The following ZCCHC14 variants were observed in gnomAD, a reference collection of about 807,000 sequenced individuals.
ZCCHC14 encodes zinc finger CCHC domain-containing protein 14.
In ZCCHC14, 16 loss-of-function variants were observed where a neutral mutation model predicts 85.0. That is an observed-to-expected ratio of 0.19 (90% CI 0.13 to 0.29). The LOEUF (loss-of-function observed/expected upper bound fraction) is 0.29. Among genes scored for constraint, ZCCHC14 ranks in the 10% least tolerant of loss-of-function variants. The pLI is 1.00. For missense variants in ZCCHC14, 1,303 were observed against 1,443.5 expected, an observed-to-expected ratio of 0.90 and a Z score of 1.58; for synonymous variants, 775 against 630.7, an observed-to-expected ratio of 1.23 and a Z score of -3.43.
chr16:87,449,810 C>T lies in ZCCHC14; in HGVS notation c.694+10198G>A, dbSNP rs1268139411. On this transcript the variant is annotated intron_variant, in intron 2 of 12. Coordinates refer to ENST00000671377, the MANE Select transcript of ZCCHC14 (RefSeq NM_015144.3). ...TTGTGATCCCAGCACTTTGGGAGGC[C>T]GAGGTGGGTGGATGGCTTGAGCCCA... 6.6e-5 allele frequency among the ~76,000 whole-genome samples: 10 copies of T among 152,178 alleles called. No homozygotes were observed. In the East Asian group the frequency reaches 1.3e-3, roughly 21 times the overall value.
chr16:87,458,703 C>T (rs1020271136), intron 2 of ZCCHC14, among the ~76,000 whole-genome samples: 1 of 152,142 alleles, frequency 6.6e-6, no homozygotes, highest in Non-Finnish European at 1.5e-5. Context: ...GGGACGGGGA[C>T]GGTGCGGGGC....
At chr16:87,443,942 C>T (rs1910306721) in intron 2 of ZCCHC14, among the ~76,000 whole-genome samples, 1 of 147,920 alleles carries the variant, frequency 6.8e-6, no homozygotes, top group South Asian at 2.1e-4. Context: ...GAGGCTGAGG[C>T]ATGAGAATCA....
rs115855438 is a variant in ZCCHC14, at chr16:87,453,576, C to T, written c.694+6432G>A. Among the ~76,000 whole-genome samples the T allele has an allele frequency of 3.3e-3, 504 of 152,332 alleles. 5 individuals carry two copies. The highest frequency in any genetic ancestry group is 0.012 in the African/African-American group (487 of 41,570). Reference sequence around the variant, plus strand: ...GCCACACACCTGGCTGCCCCAGCCACGGTGGAGGGCCGACTTCGCACAGCT... The same window carrying T: ...GCCACACACCTGGCTGCCCCAGCCATGGTGGAGGGCCGACTTCGCACAGCT... On this transcript the variant is annotated intron_variant, in intron 2 of 12. Transcript: ENST00000671377.
chr16:87,455,324 A>G (rs1426699529), intron 2 of ZCCHC14, among the ~76,000 whole-genome samples: 2 of 151,962 alleles, frequency 1.3e-5, no homozygotes, highest in African/African-American at 4.8e-5. Flanking sequence ...TGGAAAGTGA[A>G]CGACTGGCTC....
intron 2 of ZCCHC14, among the ~76,000 whole-genome samples, chr16:87,459,414 G>A (rs886425974): frequency 6.6e-6 from 1 of 151,160 alleles, no homozygotes; most frequent in Non-Finnish European, 1.5e-5. Context: ...GCACGATCTC[G>A]GCTCACTGCA....
At chr16:87,439,805 A>G (rs1408404501) in intron 2 of ZCCHC14, among the ~76,000 whole-genome samples, 2 of 152,232 alleles carry the variant, frequency 1.3e-5, no homozygotes, top group Non-Finnish European at 2.9e-5. Flanking sequence ...TCAATTCTGT[A>G]TCTTATATAT....
intron 1 of ZCCHC14, chr16:87,467,591 G>A: frequency 7.2e-7 from 1 of 1,390,890 alleles, no homozygotes; most frequent in Non-Finnish European, 1.0e-6. Flanking sequence ...ATTGGAATAG[G>A]TGTCAAGGAT....
intron 3 of ZCCHC14, among the ~76,000 whole-genome samples, chr16:87,432,205 G>C (rs1027314950): frequency 6.6e-6 from 1 of 152,130 alleles, no homozygotes; most frequent in African/African-American, 2.4e-5. Flanking sequence ...GTCAGCACTC[G>C]ATGCACATGT....
rs1308108819 is a variant in ZCCHC14 at position 87,411,706 on chromosome 16, G to C, written c.3015C>G (p.Ser1005=). Residue 1005 remains serine (S), a synonymous_variant, in exon 12 of 13, where the codon TCC becomes TCG. Coordinates refer to ENST00000671377, the MANE Select transcript of ZCCHC14 (RefSeq NM_015144.3). ...GTPDPVLSGQ[S]TFAVPPMQNF... is the part of the protein sequence containing the mutation. The stretch of plus-strand genomic sequence containing the variant: ...TCTGCATGGGTGGCACGGCAAACGT[G>C]GACTGCCCACTCAGGACAGGGTCTG... 6.2e-7 allele frequency: 1 copy of C among 1,613,986 alleles called. No individual in the cohort carries two copies. The highest frequency in any genetic ancestry group is 1.3e-5 in the African/African-American group (1 of 74,944).
At chr16:87,434,923 G>T (rs1010944713) in intron 2 of ZCCHC14, among the ~76,000 whole-genome samples, 2 of 148,902 alleles carry the variant, frequency 1.3e-5, no homozygotes, top group Admixed American at 1.4e-4. Flanking sequence ...CCTGGGAGGC[G>T]GAGGTTGCAG....
intron 2 of ZCCHC14, among the ~76,000 whole-genome samples, chr16:87,451,343 C>T (rs1024796278): frequency 2.0e-5 from 3 of 151,916 alleles, no homozygotes; most frequent in East Asian, 1.9e-4. Flanking sequence ...ATTACAGGCA[C>T]GTGGCTACCA....
chr16:87,424,714 G>C (rs1909281260), intron 3 of ZCCHC14, among the ~76,000 whole-genome samples: 1 of 152,140 alleles, frequency 6.6e-6, no homozygotes, highest in Non-Finnish European at 1.5e-5. Flanking sequence ...TTGCACATTA[G>C]AGGGAGTTTC....
rs199903717 is a variant in ZCCHC14, at chr16:87,417,423, T to C, written c.1383+37A>G. ...CCAGGGAGGTCTTGAGTAAACAATC[T>C]AGCAATTCTGTACGGCCAGCCAGAA... On this transcript the variant is annotated intron_variant, in intron 8 of 12. Transcript: ENST00000671377. 1,486 of 1,602,326 alleles carry C rather than the reference T, an allele frequency of 9.3e-4. 9 individuals are homozygous for C. The African/African-American group carries it at 0.017, about 18-fold the overall frequency.
At chr16:87,433,334 A>T in intron 2 of ZCCHC14, 133 bp from the exon 3 acceptor site, 1 of 791,990 alleles carries the variant, frequency 1.3e-6, no homozygotes, top group Non-Finnish European at 2.0e-6. Context: ...CTTTGGTGGC[A>T]TCTCACCTAG....
chr16:87,449,520 C>T (rs1372763575), intron 2 of ZCCHC14, among the ~76,000 whole-genome samples: 1 of 152,072 alleles, frequency 6.6e-6, no homozygotes, highest in Non-Finnish European at 1.5e-5. Context: ...AGCAACGCCA[C>T]CAAGAGAGCA....
In ZCCHC14 at chr16:87,412,034, G is replaced by A. The variant is rs372561977; in HGVS notation, c.2687C>T (p.Ser896Leu). Residue 896 changes from serine to leucine, a missense_variant, in exon 12 of 13, where the codon TCG (serine) becomes TTG (leucine). Coordinates refer to ENST00000671377, the MANE Select transcript of ZCCHC14 (RefSeq NM_015144.3). ...GTGGTGGTGGTGGTGGTTCGGATTCGAGGCAGGAATGTTTCCTGTGGAGCC... is the reference window on the plus strand; with the variant it reads ...GTGGTGGTGGTGGTGGTTCGGATTCAAGGCAGGAATGTTTCCTGTGGAGCC... ...GGGSTGNIPA[S>L]NPNHHHHHHH... 1.4e-5 allele frequency: 23 copies of A among 1,609,226 alleles called. No individual in the cohort carries two copies. The highest frequency in any genetic ancestry group is 1.7e-4 in the Middle Eastern group (1 of 5,946).
At chr16:87,422,589 A>C (rs1257467104) in intron 4 of ZCCHC14, among the ~76,000 whole-genome samples, 2 of 151,008 alleles carry the variant, frequency 1.3e-5, no homozygotes, top group African/African-American at 2.4e-5. Context: ...AAAGAGAGAG[A>C]GCTGGGCGTG....
chr16:87,434,966 G>C (rs771493349), intron 2 of ZCCHC14, among the ~76,000 whole-genome samples: 35 of 137,084 alleles, frequency 2.6e-4, no homozygotes, highest in Non-Finnish European at 4.5e-4. Flanking sequence ...ACTCCAGCCT[G>C]GGCAACAAAG....
In ZCCHC14 at chr16:87,492,923, A is replaced by ACGGCGACGGCGG. The variant is rs563197115; in HGVS notation, c.-686_-685insCCGCCGTCGCCG. Among the ~76,000 whole-genome samples the ACGGCGACGGCGG allele has an allele frequency of 1.4e-5, 2 of 140,354 alleles. No homozygotes were observed. The highest frequency in any genetic ancestry group is 5.7e-5 in the African/African-American group (2 of 34,820). 92.1% of individuals were successfully genotyped at this position (140,354 alleles called of 152,430 possible). ...GGGCCCGAGCGCGGCGGCGGCGGCG[A>ACGGCGACGGCGG]CGGCGACGGCGACGGCGACGGCGAC... On this transcript the variant is annotated 5_prime_UTR_variant, in exon 1 of 13. Coordinates refer to ENST00000671377, the MANE Select transcript of ZCCHC14 (RefSeq NM_015144.3). The surrounding 1 kb of genome is among the most constrained non-coding windows in gnomAD (Gnocchi z 6.7).
Sources: gnomAD v4.1 joint callset for allele counts (sites outside exome capture counted in the v4.1 genomes callset) on GRCh38, gnomAD v4.1.1 for gene constraint, Gnocchi (gnomAD v3.1) non-coding constraint, MANE v1.5 for transcripts, NCBI Gene and HGNC (gene_info 2026-07-23, HGNC 2026-07-21) for gene names.